TTC23: variants seen among roughly 807,000 people sequenced by gnomAD.
TTC23 encodes tetratricopeptide repeat protein 23.
Under a neutral mutation model 55.1 loss-of-function variants are expected in TTC23, and 58 were observed. The observed-to-expected ratio is 1.05, with a 90% CI of 0.85 to 1.31. The LOEUF (loss-of-function observed/expected upper bound fraction) is 1.31. Ranked by LOEUF, TTC23 falls within the 50% of genes most tolerant of loss-of-function variation. The probability of loss-of-function intolerance (pLI) is 0.00; values close to 1 mark genes in which losing one functional copy is unlikely to be tolerated. For synonymous variants in TTC23, 203 were observed against 199.9 expected (o/e 1.02, Z -0.13); for missense variants, 516 against 534.4 (o/e 0.97, Z 0.34).
intron 12 of TTC23, among the ~76,000 whole-genome samples, chr15:99,150,348 G>A (rs941763750): frequency 2.6e-5 from 4 of 152,142 alleles, no homozygotes; most frequent in African/African-American, 4.8e-5. Context: ...CTCTAGACCC[G>A]TTGTGCCCTG....
intron 9 of TTC23, among the ~76,000 whole-genome samples, chr15:99,179,337 C>T (rs539545416): frequency 6.6e-5 from 10 of 152,338 alleles, no homozygotes; most frequent in Admixed American, 6.5e-5. Context: ...ATCTACTCCA[C>T]CGCCCCCTGA....
At chr15:99,177,732 C>G (rs896105430) in intron 9 of TTC23, among the ~76,000 whole-genome samples, 9 of 152,114 alleles carry the variant, frequency 5.9e-5, no homozygotes, top group African/African-American at 2.2e-4. Flanking sequence ...TCTTCCTATT[C>G]AATATTATAA....
intron 10 of TTC23, among the ~76,000 whole-genome samples, chr15:99,170,806 T>A (rs1313102305): frequency 6.6e-6 from 1 of 152,242 alleles, no homozygotes; most frequent in Non-Finnish European, 1.5e-5. Flanking sequence ...CCTGTGCTCC[T>A]GCTGCAGCCC....
rs1371811446 is a variant in TTC23, at chr15:99,148,271, G to T, written c.1143+7877C>A. ...AACTACTCAGGAGGCTGAGGCAGGG[G>T]AATCGCTTGAACCCGGGAGGTGGAG... On this transcript the variant is annotated intron_variant, in intron 12 of 13. Transcript: ENST00000394132. Among the ~76,000 whole-genome samples the T allele has an allele frequency of 2.1e-5, 3 of 143,238 alleles. No homozygotes were observed. The East Asian group carries it at 6.5e-4, about 31-fold the overall frequency. The allele number at this position is 143,238 out of a possible 152,430, so 94.0% of individuals were successfully genotyped here.
rs752782708 is a variant in TTC23, at chr15:99,156,136, T to A, written c.1143+12A>T. The A allele has an allele frequency of 2.5e-6, 4 of 1,614,186 alleles. No individual in the cohort carries two copies. The South Asian group carries it at 4.4e-5, about 18-fold the overall frequency. On this transcript the variant is annotated intron_variant, in intron 12 of 13. Transcript: ENST00000394132. Reference sequence around the variant, plus strand: ...GAGCCTAGTCTCGTGTTAGTACTGGTTCCAGCTTTACCTTCTTCAGTTTCT... The same window carrying A: ...GAGCCTAGTCTCGTGTTAGTACTGGATCCAGCTTTACCTTCTTCAGTTTCT...
intron 12 of TTC23, among the ~76,000 whole-genome samples, chr15:99,142,023 G>GC (rs2068287310): frequency 6.6e-6 from 1 of 152,156 alleles, no homozygotes; most frequent in Middle Eastern, 3.2e-3. Context: ...CCTGGCCTAG[G>GC]CAATGGGCTG....
chr15:99,225,007 A>G (rs377435817), intron 5 of TTC23, among the ~76,000 whole-genome samples: 198 of 152,348 alleles, frequency 1.3e-3, no homozygotes, highest in Admixed American at 3.6e-3. Flanking sequence ...ACTACAGTGT[A>G]TGAAAGACAC....
At chr15:99,157,608 T>C (rs2070790276) in intron 11 of TTC23, 1 of 152,206 alleles carries the variant, frequency 6.6e-6, no homozygotes, top group African/African-American at 2.4e-5. Context: ...AAATTATCTA[T>C]GTATAGAACA....
intron 9 of TTC23, among the ~76,000 whole-genome samples, chr15:99,199,189 C>G (rs2075991391): frequency 6.6e-6 from 1 of 152,064 alleles, no homozygotes; most frequent in Non-Finnish European, 1.5e-5. Flanking sequence ...AGAAGAAACT[C>G]TGCTTCAAGA....
intron 12 of TTC23, among the ~76,000 whole-genome samples, chr15:99,152,871 C>G (rs1267487213): frequency 1.3e-5 from 2 of 152,154 alleles, no homozygotes; most frequent in African/African-American, 4.8e-5. Flanking sequence ...GATCTCAGCT[C>G]TCTACAACCT....
intron 10 of TTC23, among the ~76,000 whole-genome samples, chr15:99,171,553 C>T (rs553682821): frequency 7.0e-6 from 1 of 142,010 alleles, no homozygotes; most frequent in South Asian, 2.2e-4. Context: ...TCCTGAGTCT[C>T]TCCGTCTTTT....
At chr15:99,215,006 C>T (rs2077360831) in intron 8 of TTC23, among the ~76,000 whole-genome samples, 1 of 151,802 alleles carries the variant, frequency 6.6e-6, no homozygotes, top group Non-Finnish European at 1.5e-5. Context: ...CAGGTGCCCA[C>T]CATCAGGCCC....
chr15:99,233,264 T>C (rs1170285857), intron 4 of TTC23, among the ~76,000 whole-genome samples: 2 of 152,266 alleles, frequency 1.3e-5, no homozygotes, highest in East Asian at 1.9e-4. Context: ...GTAATACATA[T>C]GTTAATTAGC....
chr15:99,245,196 C>T (rs965978449), intron 2 of TTC23, among the ~76,000 whole-genome samples, 193 bp downstream of exon 2: 5 of 152,090 alleles, frequency 3.3e-5, no homozygotes, highest in African/African-American at 1.2e-4. Context: ...CCCAAAACAA[C>T]GTGGTGGTAC....
At chr15:99,159,554 A>C (rs991657718) in intron 11 of TTC23, 4 of 152,378 alleles carry the variant, frequency 2.6e-5, no homozygotes, top group African/African-American at 9.6e-5. Flanking sequence ...AGGGCCTTCC[A>C]GGAGGAGGAA....
At chr15:99,245,562 A>G (rs1327037093) in intron 1 of TTC23, 52 bp from the exon 2 acceptor site, 2 of 151,806 alleles carry the variant, frequency 1.3e-5, no homozygotes, top group Non-Finnish European at 2.9e-5. Context: ...GATAGTGTTG[A>G]GAGTCCAAAA....
chr15:99,231,480 T>C (rs2078928730), intron 4 of TTC23, among the ~76,000 whole-genome samples: 1 of 152,086 alleles, frequency 6.6e-6, no homozygotes, highest in Non-Finnish European at 1.5e-5. Flanking sequence ...CATTAATGTG[T>C]GTGTTTGTGT....
At chr15:99,141,914 T>C (rs1312018638) in intron 12 of TTC23, among the ~76,000 whole-genome samples, 1 of 152,168 alleles carries the variant, frequency 6.6e-6, no homozygotes, top group Non-Finnish European at 1.5e-5. Flanking sequence ...CTCTTCTTGT[T>C]CTTTTATTTA....
intron 2 of TTC23, among the ~76,000 whole-genome samples, chr15:99,244,149 C>CA (rs1028347957): frequency 1.5e-4 from 23 of 151,866 alleles, no homozygotes; most frequent in African/African-American, 5.1e-4. Flanking sequence ...AAAACAAAAC[C>CA]AAAAAATCCT....
Sources: allele counts gnomAD v4.1 joint callset (sites outside exome capture counted in the v4.1 genomes callset), GRCh38; gene constraint gnomAD v4.1.1; transcripts MANE v1.5; gene names NCBI Gene and HGNC (gene_info 2026-07-23, HGNC 2026-07-21).